Variants in SLCO2A1 observed in about 807,000 individuals in gnomAD.
SLCO2A1 encodes solute carrier organic anion transporter family member 2A1, also known as matrin F/G 1.
Under a neutral mutation model 71.7 loss-of-function variants are expected in SLCO2A1, and 60 were observed. That is an observed-to-expected ratio of 0.84 (90% CI 0.68 to 1.04). The LOEUF is 1.04. Ranked by LOEUF, SLCO2A1 falls within the 50% of genes least tolerant of loss-of-function variation. SLCO2A1 has a pLI of 0.00. For synonymous variants in SLCO2A1, 308 were observed against 326.7 expected (o/e 0.94, Z 0.62); for missense variants, 745 against 813.4 (o/e 0.92, Z 1.02).
chr3:133,969,433 C>T (rs892366393), intron 3 of SLCO2A1, among the ~76,000 whole-genome samples: 2 of 152,150 alleles, frequency 1.3e-5, no homozygotes, highest in African/African-American at 2.4e-5. Flanking sequence ...GCTGCCCAGG[C>T]TGGAGTGGAG....
At chr3:133,968,324 T>TTTGGCATGA (rs1934237160) in intron 3 of SLCO2A1, among the ~76,000 whole-genome samples, 1 of 151,842 alleles carries the variant, frequency 6.6e-6, no homozygotes. Flanking sequence ...AAACCACGGG[T>TTTGGCATGA]GCCCCTCTCA....
Position 133,938,414 on chromosome 3 carries a change from G to A in SLCO2A1, c.1690+15C>T. 1 of 1,613,112 alleles carries A rather than the reference G, an allele frequency of 6.2e-7. No individual in the cohort carries two copies. Among genetic ancestry groups the A allele is most frequent in the Middle Eastern group, 1.7e-4 (1 of 6,060 alleles). On this transcript the variant is annotated intron_variant, in intron 12 of 13. Transcript: ENST00000310926. ...CTGGGGCCACTTCTTGGGAAGAGGG[G>A]TCTTAGACACTTACCCAGCAAGCGC...
chr3:133,949,772 C>G (rs1188839393), intron 6 of SLCO2A1, among the ~76,000 whole-genome samples: 1 of 152,160 alleles, frequency 6.6e-6, no homozygotes, highest in Non-Finnish European at 1.5e-5. Flanking sequence ...GAAGAGGAAG[C>G]TTAGGAACAA....
chr3:133,947,346 G>A lies in SLCO2A1; in HGVS notation c.1205C>T (p.Thr402Ile), dbSNP rs916048612. Reference sequence around the variant, plus strand: ...GATCATGGAGATGGTGATGATGGTGGTAGCTATGCGGGGAATGGCTTGTAG... The same window carrying A: ...GATCATGGAGATGGTGATGATGGTGATAGCTATGCGGGGAATGGCTTGTAG... Reference protein sequence around the residue: ...FSLQAIPRIATTIITISMILC... With the variant: ...FSLQAIPRIAITIITISMILC... Residue 402 changes from threonine (T) to isoleucine (I), a missense_variant, in exon 9 of 14, where the codon ACC (threonine) becomes ATC (isoleucine). Coordinates refer to ENST00000310926, the MANE Select transcript of SLCO2A1 (RefSeq NM_005630.3). 1.2e-6 allele frequency: 2 copies of A among 1,614,040 alleles called. No homozygotes were observed. Among genetic ancestry groups the A allele is most frequent in the African/African-American group, 2.7e-5 (2 of 74,904 alleles).
At chr3:134,023,382 T>C (rs1468790516) in intron 1 of SLCO2A1, among the ~76,000 whole-genome samples, 2 of 152,236 alleles carry the variant, frequency 1.3e-5, no homozygotes, top group Non-Finnish European at 2.9e-5. Context: ...TGCCTTGCTA[T>C]ACCCTGTGAG....
intron 1 of SLCO2A1, among the ~76,000 whole-genome samples, chr3:133,983,997 T>A (rs1934653704): frequency 1.3e-5 from 2 of 152,126 alleles, no homozygotes. Flanking sequence ...AAACGGGGGA[T>A]CCAGAAGGAG....
At chr3:133,951,013 G>A (rs1933731129) in intron 6 of SLCO2A1, 195 bp downstream of exon 6, 1 of 672,460 alleles carries the variant, frequency 1.5e-6, no homozygotes, top group South Asian at 1.7e-5. Flanking sequence ...GAACACATAG[G>A]AGATACCACC....
intron 2 of SLCO2A1, among the ~76,000 whole-genome samples, chr3:133,976,241 C>A (rs947257829): frequency 6.6e-6 from 1 of 152,244 alleles, no homozygotes; most frequent in African/African-American, 2.4e-5. Flanking sequence ...CATCCTGAAA[C>A]CCACACCTGG....
At chr3:133,953,607 TG>T in intron 5 of SLCO2A1, 55 bp downstream of exon 5, 4 of 1,378,502 alleles carry the variant, frequency 2.9e-6, no homozygotes, top group Non-Finnish European at 4.1e-6. Context: ...ATGAGGGGGC[TG>T]GGGGCTGCTT....
chr3:134,018,966 A>C (rs141720060), intron 1 of SLCO2A1, among the ~76,000 whole-genome samples: 15 of 152,218 alleles, frequency 9.9e-5, no homozygotes, highest in African/African-American at 3.6e-4. Context: ...TGGAGATGAG[A>C]GTTATGAAGA....
chr3:133,955,388 G>A lies in SLCO2A1; in HGVS notation c.398-195C>T, dbSNP rs1933861829. The A allele has an allele frequency of 1.0e-5, 6 of 584,456 alleles. No homozygotes were observed. In the Admixed American group the frequency reaches 1.5e-4, roughly 15 times the overall value. The allele number at this position is 584,456 out of a possible 1,614,324, so 36.2% of individuals were successfully genotyped here. On this transcript the variant is annotated intron_variant, in intron 3 of 13. Transcript: ENST00000310926. The stretch of plus-strand genomic sequence containing the variant: ...AGCAGGAGGGACTCTAGAAACAAAG[G>A]TGTGAAAGAGAGGTGGAATGTGGGC...
At chr3:133,993,093 C>T (rs1252205484) in intron 1 of SLCO2A1, among the ~76,000 whole-genome samples, 1 of 152,116 alleles carries the variant, frequency 6.6e-6, no homozygotes, top group Non-Finnish European at 1.5e-5. Context: ...GTGGGGCCCA[C>T]AAGGAGTTTT....
intron 3 of SLCO2A1, among the ~76,000 whole-genome samples, chr3:133,965,536 G>A (rs1010026369): frequency 6.6e-6 from 1 of 152,322 alleles, no homozygotes; most frequent in Middle Eastern, 3.4e-3. Context: ...TTAGACCCAC[G>A]GCTATAAGGA....
chr3:133,944,797 C>T lies in SLCO2A1; in HGVS notation c.1461+298G>A, dbSNP rs551524649. On this transcript the variant is annotated intron_variant, in intron 10 of 13. Transcript: ENST00000310926. ...ATCTCTCAGGATGGGGCTCAAAGGC[C>T]TCAGCTGAAGGAGTGCTTTGACTGG... Among the ~76,000 whole-genome samples, 24 of 152,312 alleles carry T rather than the reference C, an allele frequency of 1.6e-4. No individual in the cohort carries two copies. In the South Asian group the frequency reaches 3.5e-3, roughly 22 times the overall value.
At chr3:133,966,722 G>T (rs1934185628) in intron 3 of SLCO2A1, among the ~76,000 whole-genome samples, 1 of 152,216 alleles carries the variant, frequency 6.6e-6, no homozygotes, top group Non-Finnish European at 1.5e-5. Context: ...CCAACCTCCT[G>T]GTGGGTAGCA....
chr3:133,941,071 T>G (rs2108038118), intron 11 of SLCO2A1, among the ~76,000 whole-genome samples: 1 of 152,254 alleles, frequency 6.6e-6, no homozygotes, highest in African/African-American at 2.4e-5. Context: ...TAATAAAGTA[T>G]TTTGTCTTTG....
intron 1 of SLCO2A1, among the ~76,000 whole-genome samples, chr3:134,022,114 A>G (rs1156300613): frequency 1.3e-5 from 2 of 151,958 alleles, no homozygotes; most frequent in African/African-American, 4.8e-5. Context: ...ATGTAAAAAG[A>G]GTATTATATG....
chr3:133,971,410 A>G (rs1380807956), intron 3 of SLCO2A1, among the ~76,000 whole-genome samples: 1 of 152,256 alleles, frequency 6.6e-6, no homozygotes, highest in East Asian at 1.9e-4. Flanking sequence ...CACAGAGTCC[A>G]TACATTTATG....
At chr3:133,979,223 G>A (rs1934527616) in intron 2 of SLCO2A1, among the ~76,000 whole-genome samples, 2 of 152,222 alleles carry the variant, frequency 1.3e-5, no homozygotes, top group Admixed American at 1.3e-4. Context: ...AGTACCTGCT[G>A]GCAAGGCTGC....
Sources: gnomAD v4.1 joint callset for allele counts (sites outside exome capture counted in the v4.1 genomes callset) on GRCh38, gnomAD v4.1.1 for gene constraint, MANE v1.5 for transcripts, NCBI Gene and HGNC (gene_info 2026-07-23, HGNC 2026-07-21) for gene names.